DAB2IP: variants seen among roughly 807,000 people sequenced by gnomAD.
The protein encoded by DAB2IP is DAB2 interacting protein.
In DAB2IP, 28 loss-of-function variants were observed where a neutral mutation model predicts 107.2. The observed-to-expected ratio is 0.26, with a 90% CI of 0.19 to 0.36. The LOEUF is 0.36. Ranked by LOEUF, DAB2IP falls within the 10% of genes least tolerant of loss-of-function variation. The pLI, the probability that DAB2IP is intolerant of heterozygous loss-of-function variation, is 1.00. For synonymous variants in DAB2IP, 755 were observed against 706.4 expected, an observed-to-expected ratio of 1.07 and a Z score of -1.09; for missense variants, 1,400 against 1,644.7, an observed-to-expected ratio of 0.85 and a Z score of 2.57.
chr9:121,639,735 G>A (rs1832213645), intron 1 of DAB2IP, among the ~76,000 whole-genome samples: 1 of 152,176 alleles, frequency 6.6e-6, no homozygotes, highest in Admixed American at 6.5e-5. Flanking sequence ...AAAGGAACAG[G>A]CTGCAGTTTG....
chr9:121,577,861 C>T (rs1485188677), intron 1 of DAB2IP, among the ~76,000 whole-genome samples: 1 of 152,178 alleles, frequency 6.6e-6, no homozygotes, highest in East Asian at 1.9e-4. Flanking sequence ...GCAGAGGGAG[C>T]AGGCACCAGG....
intron 1 of DAB2IP, among the ~76,000 whole-genome samples, chr9:121,595,283 TCC>T (rs1830505761): frequency 1.3e-5 from 2 of 151,458 alleles, no homozygotes; most frequent in African/African-American, 4.8e-5. Context: ...ACTGTGTGTC[TCC>T]TATCCTGGTC....
intron 2 of DAB2IP, among the ~76,000 whole-genome samples, chr9:121,686,312 A>T (rs1828875769): frequency 6.6e-6 from 1 of 152,132 alleles, no homozygotes; most frequent in Non-Finnish European, 1.5e-5. Flanking sequence ...GTGAGTGAGG[A>T]GGATGGAAGT....
intron 4 of DAB2IP, among the ~76,000 whole-genome samples, chr9:121,758,221 C>T (rs1833632191): frequency 1.3e-5 from 2 of 152,138 alleles, no homozygotes; most frequent in South Asian, 2.1e-4. Context: ...AGGAATTGCC[C>T]GGACTGGCTC....
chr9:121,642,513 C>T (rs1274121280), intron 1 of DAB2IP, among the ~76,000 whole-genome samples: 2 of 130,646 alleles, frequency 1.5e-5, no homozygotes, highest in African/African-American at 3.1e-5. Flanking sequence ...TTTGTAGAGA[C>T]AGGGTCTCAC....
chr9:121,734,362 C>T (rs1373828867), intron 3 of DAB2IP, among the ~76,000 whole-genome samples: 2 of 130,688 alleles, frequency 1.5e-5, no homozygotes, highest in Non-Finnish European at 3.0e-5. Context: ...CCGGCCTGGG[C>T]AACAGAGCGA....
intron 1 of DAB2IP, among the ~76,000 whole-genome samples, chr9:121,569,644 A>G (rs563894696): frequency 1.3e-5 from 2 of 152,222 alleles, no homozygotes; most frequent in East Asian, 3.9e-4. Context: ...ACATGGTGAA[A>G]CCCCATCTCT....
At chr9:121,608,877 G>A (rs542210600) in intron 1 of DAB2IP, among the ~76,000 whole-genome samples, 7 of 152,354 alleles carry the variant, frequency 4.6e-5, no homozygotes, top group African/African-American at 1.7e-4. Flanking sequence ...TTGGGGAGGA[G>A]CCCCCTCTGG....
upstream of DAB2IP, among the ~76,000 whole-genome samples, chr9:121,651,084 T>C (rs1832722815): frequency 6.6e-6 from 1 of 152,216 alleles, no homozygotes; most frequent in Non-Finnish European, 1.5e-5. The surrounding 1 kb of genome is among the most constrained non-coding windows in gnomAD (Gnocchi z 5.1). Context: ...CTGCCCTGCC[T>C]TCAGTGCTTT....
intron 1 of DAB2IP, among the ~76,000 whole-genome samples, chr9:121,572,745 G>T (rs1021515244): frequency 1.3e-5 from 2 of 152,276 alleles, no homozygotes; most frequent in Admixed American, 6.5e-5. Flanking sequence ...ACAGTGTGAG[G>T]CTGGACACCT....
At chr9:121,660,200 CAGGGGTTCTTCTA>C (rs1268385453) in intron 1 of DAB2IP, among the ~76,000 whole-genome samples, 1 of 152,122 alleles carries the variant, frequency 6.6e-6, no homozygotes, top group African/African-American at 2.4e-5. Context: ...TACACAGCAC[CAGGGGTTCTTCTA>C]AGTCCTTTAC....
chr9:121,670,560 C>G (rs973415135), intron 1 of DAB2IP, among the ~76,000 whole-genome samples: 2 of 152,226 alleles, frequency 1.3e-5, no homozygotes, highest in African/African-American at 4.8e-5. Context: ...TTCCCAGTTT[C>G]TAGATCAAGG....
At position 121,782,942 on chromosome 9, in the gene DAB2IP, G is replaced by A. The variant is rs78354783; in HGVS notation, c.*444G>A. On this transcript the variant is annotated 3_prime_UTR_variant, in exon 16 of 16. Coordinates refer to ENST00000408936, the Ensembl canonical transcript of DAB2IP. This position sits in a 1 kb window ranked among gnomAD's most constrained non-coding sequence, Gnocchi z 6.1. ...TTCCCCTCGCCTCCTTGGGGGGCCCGGGACTCCCTGGCAGCCAGGCCCTGT... is the reference window on the plus strand; with the variant it reads ...TTCCCCTCGCCTCCTTGGGGGGCCCAGGACTCCCTGGCAGCCAGGCCCTGT... 1,160 of 1,019,534 alleles carry A rather than the reference G, an allele frequency of 1.1e-3. 6 individuals carry two copies. The African/African-American group carries it at 0.015, about 13-fold the overall frequency. 63.2% of individuals were successfully genotyped at this position (1,019,534 alleles called of 1,614,324 possible). A position where few individuals can be genotyped will look rare whatever the true frequency, so the allele number is the denominator to read the frequency against.
Position 121,702,149 on chromosome 9 carries a change from AG to A in DAB2IP, c.362+2693del, listed in dbSNP as rs1564166787. Among the ~76,000 whole-genome samples the A allele has an allele frequency of 1.3e-5, 2 of 152,126 alleles. No individual in the cohort carries two copies. The highest frequency in any genetic ancestry group is 4.8e-5 in the African/African-American group (2 of 41,412). The stretch of plus-strand genomic sequence containing the variant: ...TATCTGGTTTATATGGCTGCTGAAG[AG>A]GCTTTGTTGAATGCTGTCTGCGTGC... On this transcript the variant is annotated intron_variant, in intron 3 of 15. Coordinates refer to ENST00000408936, the Ensembl canonical transcript of DAB2IP. The surrounding 1 kb of genome is among the most constrained non-coding windows in gnomAD (Gnocchi z 4.5).
At chr9:121,733,249 C>G (rs1347795697) in intron 3 of DAB2IP, among the ~76,000 whole-genome samples, 1 of 152,202 alleles carries the variant, frequency 6.6e-6, no homozygotes, top group African/African-American at 2.4e-5. Flanking sequence ...GCAGCACCCT[C>G]CTTTAGAAAA....
In DAB2IP at chr9:121,782,615, G is replaced by C; in HGVS notation, c.*117G>C. On this transcript the variant is annotated 3_prime_UTR_variant, in exon 16 of 16. Coordinates refer to ENST00000408936, the Ensembl canonical transcript of DAB2IP. This position sits in a 1 kb window ranked among gnomAD's most constrained non-coding sequence, Gnocchi z 6.1. ...GCCCCAGCGCGGGTGTCAGGAGGCC[G>C]AGCCTCCCCTCCCTGCCGCTGTCCA... is the stretch of plus-strand genomic sequence containing the variant. The C allele has an allele frequency of 6.6e-7, 1 of 1,513,640 alleles. No homozygotes were observed. The highest frequency in any genetic ancestry group is 8.8e-7 in the Non-Finnish European group (1 of 1,132,474). The allele number at this position is 1,513,640 out of a possible 1,614,324, so 93.8% of individuals were successfully genotyped here.
intron 6 of DAB2IP, among the ~76,000 whole-genome samples, chr9:121,762,314 C>G (rs1833954305): frequency 6.6e-6 from 1 of 152,198 alleles, no homozygotes; most frequent in African/African-American, 2.4e-5. Context: ...TGGGGCCTGG[C>G]TCTCATTGCG....
At chr9:121,653,631 C>T (rs1027544526) in intron 1 of DAB2IP, among the ~76,000 whole-genome samples, 2 of 152,132 alleles carry the variant, frequency 1.3e-5, no homozygotes, top group African/African-American at 4.8e-5. Context: ...CACGTCACCT[C>T]ACCCACCCGC....
intron 3 of DAB2IP, chr9:121,737,710 A>G (rs1832029268): frequency 2.0e-6 from 2 of 985,450 alleles, no homozygotes; most frequent in Non-Finnish European, 2.4e-6. Context: ...CGCTCCCACC[A>G]CAAAGGTCTG....
Sources: gnomAD v4.1 joint callset for allele counts (sites outside exome capture counted in the v4.1 genomes callset) on GRCh38, gnomAD v4.1.1 for gene constraint, Gnocchi (gnomAD v3.1) non-coding constraint, MANE v1.5 for transcripts, NCBI Gene and HGNC (gene_info 2026-07-23, HGNC 2026-07-21) for gene names.